Variants in DNAH6 observed in about 807,000 individuals in gnomAD.
The protein encoded by DNAH6 is dynein axonemal heavy chain 6.
A neutral mutation model predicts 491.4 loss-of-function variants in DNAH6; 340 were observed. That is an observed-to-expected ratio of 0.69 (90% CI 0.63 to 0.76). The LOEUF (loss-of-function observed/expected upper bound fraction) is 0.76. DNAH6 is among the 30% of genes least tolerant of loss of function. The pLI, the probability that DNAH6 is intolerant of heterozygous loss-of-function variation, is 0.00. For missense variants in DNAH6, 4,443 were observed against 4,972.2 expected (o/e 0.89, Z 3.20); for synonymous variants, 1,603 against 1,686.1 (o/e 0.95, Z 1.21).
At chr2:84,756,328 A>C (rs929386257) in intron 63 of DNAH6, among the ~76,000 whole-genome samples, 3 of 152,218 alleles carry the variant, frequency 2.0e-5, no homozygotes, top group Non-Finnish European at 4.4e-5. Context: ...ATACTGCTAC[A>C]AGAGTATGCA....
In DNAH6 at chr2:84,669,486, T is replaced by C; in HGVS notation, c.6282T>C (p.Phe2094=). Residue 2094 remains phenylalanine (F), a synonymous_variant, in exon 38 of 77, where the codon TTT becomes TTC. Transcript: ENST00000389394. ...TGGCAGTCAAGCATTCCGTGTTGTT[T>C]ACTGGAATAACTGGAGTGGGCAAGG... The part of the protein sequence containing the change: ...KLLAVKHSVL[F]TGITGVGKSV... 6.4e-7 allele frequency: 1 copy of C among 1,551,814 alleles called. No homozygotes were observed. Among genetic ancestry groups the C allele is most frequent in the Non-Finnish European group, 8.7e-7 (1 of 1,146,984 alleles).
intron 10 of DNAH6, among the ~76,000 whole-genome samples, chr2:84,555,590 C>T (rs1457588613): frequency 2.0e-5 from 3 of 152,180 alleles, no homozygotes; most frequent in African/African-American, 7.2e-5. Context: ...TATATCTCTA[C>T]CTATATCTAT....
chr2:84,676,230 A>G lies in DNAH6; in HGVS notation c.6613-775A>G, dbSNP rs72922793. 7.8e-3 allele frequency among the ~76,000 whole-genome samples: 1,188 copies of G among 152,360 alleles called. 15 individuals are homozygous for G. Among genetic ancestry groups the G allele is most frequent in the African/African-American group, 0.026 (1,089 of 41,576 alleles). Reference sequence around the variant, plus strand: ...CAGTTCCCAGATGAGGTGGAACAAGACAACACTCTGCCTTCTTTTTCAGCT... The same window carrying G: ...CAGTTCCCAGATGAGGTGGAACAAGGCAACACTCTGCCTTCTTTTTCAGCT... On this transcript the variant is annotated intron_variant, in intron 40 of 76. Transcript: ENST00000389394.
chr2:84,769,607 G>A (rs1193477998), intron 64 of DNAH6, among the ~76,000 whole-genome samples: 1 of 152,176 alleles, frequency 6.6e-6, no homozygotes, highest in Non-Finnish European at 1.5e-5. Context: ...GATTGTAGTT[G>A]TTTGTTTTGG....
the DNAH6 span, among the ~76,000 whole-genome samples, chr2:84,486,573 G>A: frequency 6.6e-6 from 1 of 152,204 alleles, no homozygotes; most frequent in African/African-American, 2.4e-5. Context: ...GCTGGAAAAA[G>A]TCAGGAAAAG....
intron 75 of DNAH6, among the ~76,000 whole-genome samples, chr2:84,814,523 A>C (rs1333068632): frequency 1.3e-5 from 2 of 152,164 alleles, no homozygotes; most frequent in Admixed American, 6.5e-5. Flanking sequence ...TTATTTTAAG[A>C]TCCTTCTTGT....
intron 18 of DNAH6, among the ~76,000 whole-genome samples, chr2:84,602,672 A>C (rs1254429355): frequency 1.3e-5 from 2 of 148,770 alleles, no homozygotes; most frequent in African/African-American, 5.0e-5. Context: ...AATTTTGAAA[A>C]TTTTTGCAGC....
intron 62 of DNAH6, among the ~76,000 whole-genome samples, chr2:84,740,058 G>C (rs1039323767): frequency 6.7e-6 from 1 of 149,760 alleles, no homozygotes; most frequent in Non-Finnish European, 1.5e-5. Flanking sequence ...GGGGCTTCTT[G>C]TTTATTCGTT....
At chr2:84,647,080 CA>C (rs887856627) in intron 33 of DNAH6, among the ~76,000 whole-genome samples, 7 of 152,118 alleles carry the variant, frequency 4.6e-5, no homozygotes, top group African/African-American at 1.2e-4. Context: ...CTCCTGGCCT[CA>C]AGTGATCAGC....
intron 8 of DNAH6, among the ~76,000 whole-genome samples, chr2:84,549,163 C>T (rs989132508): frequency 6.6e-6 from 1 of 152,160 alleles, no homozygotes; most frequent in Non-Finnish European, 1.5e-5. Flanking sequence ...ATTCTAAAAC[C>T]GCATGTCTTT....
At chr2:84,590,530 C>T (rs543197846) in intron 16 of DNAH6, among the ~76,000 whole-genome samples, 1 of 146,412 alleles carries the variant, frequency 6.8e-6, no homozygotes, top group East Asian at 2.1e-4. Context: ...CTACAACTCA[C>T]ATGTGAGCAC....
At chr2:84,749,657 A>T (rs1397982893) in intron 63 of DNAH6, among the ~76,000 whole-genome samples, 1 of 152,228 alleles carries the variant, frequency 6.6e-6, no homozygotes, top group Non-Finnish European at 1.5e-5. Context: ...ACTTTGTTCA[A>T]TGGAACAGAC....
chr2:84,667,066 C>A (rs1692205200), intron 37 of DNAH6, among the ~76,000 whole-genome samples: 1 of 152,148 alleles, frequency 6.6e-6, no homozygotes, highest in Non-Finnish European at 1.5e-5. Flanking sequence ...GAAATTGGAT[C>A]CCTTCCTTAC....
At chr2:84,807,326 C>T (rs1679512770) in intron 71 of DNAH6, among the ~76,000 whole-genome samples, 2 of 152,166 alleles carry the variant, frequency 1.3e-5, no homozygotes, top group South Asian at 2.1e-4. Context: ...CATTTGTTTA[C>T]ACATACTTTT....
At chr2:84,794,049 C>T (rs1483042718) in intron 68 of DNAH6, among the ~76,000 whole-genome samples, 1 of 152,034 alleles carries the variant, frequency 6.6e-6, no homozygotes, top group Non-Finnish European at 1.5e-5. Context: ...TGATCTTTGA[C>T]AAACCTGAGA....
At chr2:84,800,979 A>G (rs1477030753) in intron 70 of DNAH6, among the ~76,000 whole-genome samples, 1 of 151,488 alleles carries the variant, frequency 6.6e-6, no homozygotes, top group Non-Finnish European at 1.5e-5. Context: ...CATCATTCTC[A>G]GTAAACTATC....
chr2:84,647,810 A>G (rs1426448485), intron 33 of DNAH6, among the ~76,000 whole-genome samples: 1 of 152,248 alleles, frequency 6.6e-6, no homozygotes, highest in Non-Finnish European at 1.5e-5. Flanking sequence ...GCATCATTCT[A>G]TAGCATTCTG....
chr2:84,492,765 C>T, the DNAH6 span, among the ~76,000 whole-genome samples: 2 of 152,112 alleles, frequency 1.3e-5, no homozygotes, highest in Non-Finnish European at 2.9e-5. Flanking sequence ...ACTGCTATTG[C>T]CCACTGTGTG....
rs544108286 is a variant in DNAH6 at position 84,706,841 on chromosome 2, G to A, written c.8728-55G>A. On this transcript the variant is annotated intron_variant, in intron 52 of 76. Transcript: ENST00000389394. ...TTTTTTTAGATCTGTATTATTAATG[G>A]GCAAATTCAGCCTTTTTTTGGCCCT... The A allele has an allele frequency of 1.9e-5, 29 of 1,503,166 alleles. 2 individuals are homozygous for A. In the South Asian group the frequency reaches 3.9e-4, roughly 20 times the overall value. 93.1% of individuals were successfully genotyped at this position (1,503,166 alleles called of 1,614,324 possible). A position where few individuals can be genotyped will look rare whatever the true frequency, so the allele number is the denominator to read the frequency against.
Sources: allele counts gnomAD v4.1 joint callset (sites outside exome capture counted in the v4.1 genomes callset), GRCh38; gene constraint gnomAD v4.1.1; transcripts MANE v1.5; gene names NCBI Gene and HGNC (gene_info 2026-07-23, HGNC 2026-07-21).